The following MUCL3 variants were observed in gnomAD, a reference collection of about 807,000 sequenced individuals.
The protein encoded by MUCL3 is mucin like 3, also known as mucin-like protein 3.
In MUCL3, 42 loss-of-function variants were observed where a neutral mutation model predicts 70.2. That is an observed-to-expected ratio of 0.60 (90% CI 0.47 to 0.77). The LOEUF is 0.77. Ranked by LOEUF, MUCL3 falls within the 30% of genes least tolerant of loss-of-function variation. MUCL3 has a pLI of 0.00. For synonymous variants in MUCL3, 522 were observed against 647.0 expected (o/e 0.81, Z 2.93); for missense variants, 1,429 against 1,670.0 (o/e 0.86, Z 2.52).
intron 1 of MUCL3, among the ~76,000 whole-genome samples, chr6:30,945,680 T>G (rs866062500): frequency 6.6e-6 from 1 of 150,944 alleles, no homozygotes; most frequent in African/African-American, 2.4e-5. Flanking sequence ...CCCGGCCGGA[T>G]GCAATGGCTC....
chr6:30,941,548 C>A (rs369039030), intron 1 of MUCL3, among the ~76,000 whole-genome samples: 7 of 150,880 alleles, frequency 4.6e-5, no homozygotes, highest in South Asian at 2.1e-4. Context: ...CAGCCTCTGC[C>A]TCCCGGGTTC....
chr6:30,948,985 G>C lies in MUCL3; in HGVS notation c.521G>C (p.Gly174Ala). The C allele has an allele frequency of 3.9e-6, 6 of 1,551,618 alleles. No individual in the cohort carries two copies. Among genetic ancestry groups the C allele is most frequent in the Non-Finnish European group, 5.2e-6 (6 of 1,146,988 alleles). ...ATAAACTGTCGTAAGTCCACAACAG[G>C]CAAATCAACGGTAACAAGAAAATCA... ...SKINCRKSTTGKSTVTRKSDK... is the reference protein window; with the variant it reads ...SKINCRKSTTAKSTVTRKSDK... Residue 174 changes from glycine (G) to alanine (A), a missense_variant, in exon 2 of 3, where the codon GGC becomes GCC. By Grantham distance (60) the Gly-to-Ala change is moderately conservative. Transcript: ENST00000462446.
At chr6:30,941,462 T>C (rs34578892) in intron 1 of MUCL3, among the ~76,000 whole-genome samples, 17,293 of 135,338 alleles carry the variant, frequency 0.13, 1,157 homozygotes, top group South Asian at 0.34. Context: ...TTCTTCTTTT[T>C]TTTTTTTTTT....
At chr6:30,941,915 G>T (rs988488111) in intron 1 of MUCL3, among the ~76,000 whole-genome samples, 1 of 152,264 alleles carries the variant, frequency 6.6e-6, no homozygotes, top group East Asian at 1.9e-4. Context: ...GCCCTGGGGG[G>T]ACAGGTGGAG....
At position 30,943,307 on chromosome 6, in the gene MUCL3, TCA is replaced by T. The variant is rs202055559; in HGVS notation, c.82+2229_82+2230del. Among the ~76,000 whole-genome samples, 92 of 152,270 alleles carry T rather than the reference TCA, an allele frequency of 6.0e-4. 1 individual carries two copies. In the East Asian group the frequency reaches 0.017, roughly 29 times the overall value. On this transcript the variant is annotated intron_variant, in intron 1 of 2. Transcript: ENST00000462446. ...CACAGGTGCAGTCCAGATTAAATCA[TCA>T]CAGAGAGGCATAGGTGCAGTCCAGA... is the stretch of plus-strand genomic sequence containing the variant.
Position 30,949,918 on chromosome 6 carries a change from C to T in MUCL3, c.1454C>T (p.Thr485Ile). 6.5e-7 allele frequency: 1 copy of T among 1,538,766 alleles called. No individual in the cohort carries two copies. Among genetic ancestry groups the T allele is most frequent in the African/African-American group, 1.5e-5 (1 of 68,634 alleles). ...GTAGAGCCTACAGAAAATAGAGAAACAACAGCCAATGAGAAGACCACACCA... is the reference window on the plus strand; with the variant it reads ...GTAGAGCCTACAGAAAATAGAGAAATAACAGCCAATGAGAAGACCACACCA... ...SPVEPTENRETTANEKTTPSP... is the reference protein window; with the variant it reads ...SPVEPTENREITANEKTTPSP... Residue 485 changes from threonine (T) to isoleucine (I), a missense_variant, in exon 2 of 3, where the codon ACA becomes ATA. By Grantham distance (89) the Thr-to-Ile change is moderately conservative (BLOSUM62 -1). Coordinates refer to ENST00000462446, the MANE Select transcript of MUCL3 (RefSeq NM_080870.4).
Position 30,951,162 on chromosome 6 carries a change from C to A in MUCL3, c.2698C>A (p.Pro900Thr), listed in dbSNP as rs1376566102. 22 of 1,550,990 alleles carry A rather than the reference C, an allele frequency of 1.4e-5. No homozygotes were observed. The highest frequency in any genetic ancestry group is 1.8e-5 in the Non-Finnish European group (21 of 1,146,956). The change falls in exon 2 of 3, where the codon CCT becomes ACT. Residue 900 changes from proline (P) to threonine (T), a missense_variant. By Grantham distance (38) the Pro-to-Thr change is conservative. Transcript: ENST00000462446. ...NEKTTLSPAE[P>T]TENGERTPFT... is the part of the protein sequence containing the mutation. ...GAAGACCACACTATCCCCAGCAGAG[C>A]CTACAGAAAATGGAGAAAGGACCCC...
Position 30,952,205 on chromosome 6 carries a change from G to C in MUCL3, c.3741G>C (p.Lys1247Asn), listed in dbSNP as rs1760745113. The change falls in exon 2 of 3, where the codon AAG becomes AAC. Residue 1247 changes from lysine to asparagine, a missense_variant. Lys to Asn is a moderately conservative substitution (Grantham distance 94). Transcript: ENST00000462446. ...CAAAGACTATAAAACCTTCAGTCAA[G>C]GTCACAGGAGACAAATCTCTCACTA... ...AVTKTIKPSV[K>N]VTGDKSLTTT... is the part of the protein sequence containing the mutation. The C allele has an allele frequency of 6.2e-7, 1 of 1,613,852 alleles. No individual in the cohort carries two copies. The highest frequency in any genetic ancestry group is 1.7e-5 in the Admixed American group (1 of 59,984).
chr6:30,952,134 GC>G lies in MUCL3; in HGVS notation c.3674del (p.Pro1225GlnfsTer2). On this transcript the variant is annotated frameshift_variant, in exon 2 of 3. Transcript: ENST00000462446. LOFTEE classifies it high-confidence loss of function. ...NTTLTTETIKAPVKSTENPEK... is the reference protein window; with the variant it reads ...NTTLTTETIKXPVKSTENPEK... Reference sequence around the variant, plus strand: ...CACACTGACCACTGAGACCATAAAAGCCCCAGTAAAGTCCACAGAAAACCCA... The same window carrying G: ...CACACTGACCACTGAGACCATAAAAGCCCAGTAAAGTCCACAGAAAACCCA... The G allele has an allele frequency of 6.2e-7, 1 of 1,612,806 alleles. No individual in the cohort carries two copies. The highest frequency in any genetic ancestry group is 8.5e-7 in the Non-Finnish European group (1 of 1,179,708).
chr6:30,941,144 G>A, intron 1 of MUCL3, 63 bp downstream of exon 1: 1 of 1,527,390 alleles, frequency 6.5e-7, no homozygotes. Flanking sequence ...TCATAGCGTT[G>A]GACAACAAAT....
In MUCL3 at chr6:30,953,111, A is replaced by G. The variant is rs749879793; in HGVS notation, c.4176A>G (p.Pro1392=). ...QNLGMGQIPS[P]R The stretch of plus-strand genomic sequence containing the variant: ...TTGGCATGGGCCAGATCCCTTCCCC[A>G]CGGTGATCTTGGAGTAGGCGCCCAG... Residue 1392 remains proline (P), a synonymous_variant, in exon 3 of 3, where the codon CCA becomes CCG. Transcript: ENST00000462446. 2 of 1,614,056 alleles carry G rather than the reference A, an allele frequency of 1.2e-6. No individual in the cohort carries two copies. Among genetic ancestry groups the G allele is most frequent in the Non-Finnish European group, 8.5e-7 (1 of 1,180,016 alleles).
At chr6:30,946,915 T>A (rs1373979316) in intron 1 of MUCL3, among the ~76,000 whole-genome samples, 1 of 152,202 alleles carries the variant, frequency 6.6e-6, no homozygotes, top group Non-Finnish European at 1.5e-5. Context: ...GAAAAGTAAA[T>A]AAGTTAATGT....
chr6:30,949,079 G>C lies in MUCL3; in HGVS notation c.615G>C (p.Lys205Asn), dbSNP rs1246811075. ...TLDKTSTSSHKTTTSFHNSGN... is the reference protein window; with the variant it reads ...TLDKTSTSSHNTTTSFHNSGN... ...ATAAGACAAGTACCAGCTCACATAA[G>C]ACTACAACTTCCTTCCACAACTCAG... Residue 205 changes from lysine to asparagine, a missense_variant, in exon 2 of 3, where the codon AAG (lysine) becomes AAC (asparagine). Lys to Asn is a moderately conservative substitution (Grantham distance 94). Coordinates refer to ENST00000462446, the MANE Select transcript of MUCL3 (RefSeq NM_080870.4). The C allele has an allele frequency of 5.8e-6, 9 of 1,550,794 alleles. No homozygotes were observed. The highest frequency in any genetic ancestry group is 7.8e-6 in the Non-Finnish European group (9 of 1,146,776).
chr6:30,949,694 T>G lies in MUCL3; in HGVS notation c.1230T>G (p.Asn410Lys). 6.5e-7 allele frequency: 1 copy of G among 1,532,992 alleles called. No homozygotes were observed. Among genetic ancestry groups the G allele is most frequent in the Non-Finnish European group, 8.7e-7 (1 of 1,143,218 alleles). The allele number at this position is 1,532,992 out of a possible 1,614,324, so 95.0% of individuals were successfully genotyped here. A position where few individuals can be genotyped will look rare whatever the true frequency, so the allele number is the denominator to read the frequency against. ...TEHGERTPFA[N>K]DKTTSSSAES... ...ATGGAGAAAGGACCCCATTTGCCAA[T>G]GACAAAACCACATCATCCTCAGCAG... The change falls in exon 2 of 3, where the codon AAT (asparagine) becomes AAG (lysine). Residue 410 changes from asparagine (N) to lysine (K), a missense_variant. Transcript: ENST00000462446.
At position 30,950,057 on chromosome 6, in the gene MUCL3, G is replaced by A. The variant is rs1316651349; in HGVS notation, c.1593G>A (p.Glu531=). 20 of 1,549,918 alleles carry A rather than the reference G, an allele frequency of 1.3e-5. No homozygotes were observed. In the South Asian group the frequency reaches 2.1e-4, roughly 17 times the overall value. The part of the protein sequence containing the change: ...EHGERTPLAN[E]NTTPSPAEPT... Reference sequence around the variant, plus strand: ...GAGAAAGGACCCCACTGGCCAATGAGAACACCACACCATCCCCAGCAGAGC... The same window carrying A: ...GAGAAAGGACCCCACTGGCCAATGAAAACACCACACCATCCCCAGCAGAGC... The change falls in exon 2 of 3, where the codon GAG becomes GAA. Residue 531 remains glutamate (E), a synonymous_variant. Transcript: ENST00000462446.
intron 1 of MUCL3, among the ~76,000 whole-genome samples, chr6:30,944,105 A>G (rs1483390703): frequency 6.6e-6 from 1 of 152,208 alleles, no homozygotes; most frequent in Non-Finnish European, 1.5e-5. Context: ...GGATACCAGG[A>G]AACACTAGAG....
In MUCL3 at chr6:30,950,477, G is replaced by A. The variant is rs1276865252; in HGVS notation, c.2013G>A (p.Lys671=). The change falls in exon 2 of 3, where the codon AAG becomes AAA. Residue 671 remains lysine (K), a synonymous_variant. Coordinates refer to ENST00000462446, the MANE Select transcript of MUCL3 (RefSeq NM_080870.4). ...ATAGAGAAAGGACAGCCAATGAGAA[G>A]ACCACATCATCCCCAGCAGAGCCTA... The part of the protein sequence containing the change: ...TENRERTANE[K]TTSSPAEPTE... The A allele has an allele frequency of 1.9e-6, 3 of 1,543,440 alleles. No homozygotes were observed. Among genetic ancestry groups the A allele is most frequent in the Admixed American group, 4.0e-5 (2 of 49,970 alleles).
At position 30,951,817 on chromosome 6, in the gene MUCL3, T is replaced by TCA; in HGVS notation, c.3355_3356dup (p.Ser1120ProfsTer19). 6.4e-7 allele frequency: 1 copy of TCA among 1,572,852 alleles called. No homozygotes were observed. Reference sequence around the variant, plus strand: ...AGGACCACATCACCCAATGACAAGATCACCTCATCTGCAGCAGAGTCTACA... The same window carrying TCA: ...AGGACCACATCACCCAATGACAAGATCACACCTCATCTGCAGCAGAGTCTACA... On this transcript the variant is annotated frameshift_variant, in exon 2 of 3. Transcript: ENST00000462446. LOFTEE classifies it high-confidence loss of function.
Position 30,949,953 on chromosome 6 carries a change from G to A in MUCL3, c.1489G>A (p.Glu497Lys). ...ANEKTTPSPAEPTENGQRTPF... is the reference protein window; with the variant it reads ...ANEKTTPSPAKPTENGQRTPF... Reference sequence around the variant, plus strand: ...TGAGAAGACCACACCATCCCCAGCAGAGCCTACAGAAAATGGACAAAGGAC... The same window carrying A: ...TGAGAAGACCACACCATCCCCAGCAAAGCCTACAGAAAATGGACAAAGGAC... The change falls in exon 2 of 3, where the codon GAG becomes AAG. Residue 497 changes from glutamate (E) to lysine (K), a missense_variant. Transcript: ENST00000462446. The A allele has an allele frequency of 8.4e-6, 13 of 1,549,728 alleles. No homozygotes were observed. Among genetic ancestry groups the A allele is most frequent in the African/African-American group, 1.4e-5 (1 of 72,158 alleles).
Sources: allele counts gnomAD v4.1 joint callset (sites outside exome capture counted in the v4.1 genomes callset), GRCh38; gene constraint gnomAD v4.1.1; transcripts MANE v1.5; gene names NCBI Gene and HGNC (gene_info 2026-07-23, HGNC 2026-07-21).